NRXN1: variants seen among roughly 807,000 people sequenced by gnomAD.
The protein encoded by NRXN1 is neurexin 1.
A neutral mutation model predicts 150.9 loss-of-function variants in NRXN1; 39 were observed. That is an observed-to-expected ratio of 0.26 (90% CI 0.20 to 0.34). The LOEUF (loss-of-function observed/expected upper bound fraction) is 0.34, where lower values mean the gene tolerates loss of function less well. Ranked by LOEUF, NRXN1 falls within the 10% of genes least tolerant of loss-of-function variation. The probability of loss-of-function intolerance (pLI) is 1.00; values close to 1 mark genes in which losing one functional copy is unlikely to be tolerated. For synonymous variants in NRXN1, 924 were observed against 757.0 expected (o/e 1.22, Z -3.62); for missense variants, 1,815 against 1,949.9 (o/e 0.93, Z 1.30).
intron 17 of NRXN1, among the ~76,000 whole-genome samples, chr2:50,392,313 T>C (rs1215634779): frequency 2.0e-5 from 3 of 152,158 alleles, no homozygotes; most frequent in Admixed American, 6.6e-5. Context: ...TTTGTTATTA[T>C]CCTGCTACAT....
chr2:50,279,887 G>A (rs952924793), intron 17 of NRXN1, among the ~76,000 whole-genome samples: 2 of 152,182 alleles, frequency 1.3e-5, no homozygotes, highest in African/African-American at 4.8e-5. Flanking sequence ...TCAAATGGCA[G>A]TAACACTAAG....
At chr2:50,782,016 A>G (rs1403492321) in intron 5 of NRXN1, among the ~76,000 whole-genome samples, 1 of 152,170 alleles carries the variant, frequency 6.6e-6, no homozygotes, top group African/African-American at 2.4e-5. Context: ...TAAGTCATTC[A>G]GTTGATATAT....
chr2:50,113,713 T>G (rs1313260739), intron 18 of NRXN1, among the ~76,000 whole-genome samples: 1 of 152,216 alleles, frequency 6.6e-6, no homozygotes, highest in Admixed American at 6.5e-5. Flanking sequence ...TTATCTTTGA[T>G]GCTCACGTAT....
chr2:50,083,209 C>A (rs1237760887), intron 19 of NRXN1, among the ~76,000 whole-genome samples: 1 of 152,138 alleles, frequency 6.6e-6, no homozygotes, highest in Admixed American at 6.5e-5. Context: ...ACAAAAATGG[C>A]AACTTACAGA....
At chr2:50,484,751 T>C (rs113453443) in intron 15 of NRXN1, among the ~76,000 whole-genome samples, 3,528 of 152,284 alleles carry the variant, frequency 0.023, 67 homozygotes, top group Non-Finnish European at 0.035. Flanking sequence ...ATGCAAGGCA[T>C]TGGGGAGAGA....
intron 2 of NRXN1, 47 bp downstream of exon 2, chr2:51,027,455 A>T: frequency 6.8e-7 from 1 of 1,475,190 alleles, no homozygotes; most frequent in Non-Finnish European, 8.9e-7. Flanking sequence ...CTCCTCCCCG[A>T]GCCCCGCCCA....
chr2:50,517,640 C>T (rs1270373213), intron 12 of NRXN1, among the ~76,000 whole-genome samples: 1 of 152,060 alleles, frequency 6.6e-6, no homozygotes, highest in Non-Finnish European at 1.5e-5. Context: ...CTTTTTCGCT[C>T]AGTTACATTG....
chr2:50,761,697 G>T (rs1444006016), intron 5 of NRXN1, among the ~76,000 whole-genome samples: 1 of 151,860 alleles, frequency 6.6e-6, no homozygotes, highest in African/African-American at 2.4e-5. Flanking sequence ...GTTGCCAAAA[G>T]AGATTAACAT....
intron 17 of NRXN1, among the ~76,000 whole-genome samples, chr2:50,389,570 T>C (rs963276915): frequency 1.1e-4 from 17 of 152,226 alleles, no homozygotes; most frequent in Admixed American, 2.6e-4. Flanking sequence ...CTCTTATCTA[T>C]GTCCAATTAG....
At chr2:49,998,425 T>C (rs1246742854) in intron 21 of NRXN1, among the ~76,000 whole-genome samples, 3 of 152,184 alleles carry the variant, frequency 2.0e-5, no homozygotes. Flanking sequence ...AGGGAGGATA[T>C]AATTTCCCAT....
intron 5 of NRXN1, among the ~76,000 whole-genome samples, chr2:50,805,815 T>C (rs1406538551): frequency 6.6e-6 from 1 of 152,184 alleles, no homozygotes; most frequent in Non-Finnish European, 1.5e-5. Flanking sequence ...TGGTGCATTA[T>C]AATCCCCTGA....
chr2:50,715,654 C>A (rs913849259), intron 5 of NRXN1, among the ~76,000 whole-genome samples: 2 of 152,138 alleles, frequency 1.3e-5, no homozygotes, highest in Non-Finnish European at 2.9e-5. Context: ...AAGTCATCGT[C>A]CCCCATCTTG....
intron 8 of NRXN1, among the ~76,000 whole-genome samples, chr2:50,587,522 G>A (rs1315917234): frequency 7.2e-5 from 11 of 152,160 alleles, no homozygotes; most frequent in Non-Finnish European, 1.6e-4. Context: ...GCAGAAAGTT[G>A]CCTTGTAACT....
chr2:50,434,725 A>C (rs2085283017), intron 17 of NRXN1, among the ~76,000 whole-genome samples: 1 of 152,216 alleles, frequency 6.6e-6, no homozygotes, highest in African/African-American at 2.4e-5. Context: ...GAATGGAATT[A>C]ATGTTACCAG....
chr2:50,019,129 C>T, intron 21 of NRXN1: 1 of 462,282 alleles, frequency 2.2e-6, no homozygotes, highest in East Asian at 7.0e-5. Context: ...TTCATCATCC[C>T]TAGGGTATAG....
At chr2:49,980,359 T>C (rs1366870844) in intron 21 of NRXN1, among the ~76,000 whole-genome samples, 1 of 152,062 alleles carries the variant, frequency 6.6e-6, no homozygotes, top group African/African-American at 2.4e-5. Flanking sequence ...CTTGGGACCA[T>C]ATTGGAGTTT....
intron 5 of NRXN1, among the ~76,000 whole-genome samples, chr2:50,758,922 A>T (rs181927103): frequency 1.1e-4 from 16 of 151,926 alleles, no homozygotes; most frequent in Non-Finnish European, 2.4e-4. Context: ...GCTAATTGGT[A>T]ATTCAAGTTT....
At chr2:50,369,117 C>A (rs1356762171) in intron 17 of NRXN1, among the ~76,000 whole-genome samples, 1 of 151,794 alleles carries the variant, frequency 6.6e-6, no homozygotes, top group Admixed American at 6.6e-5. Context: ...CAGGTAACCA[C>A]TAATAAGAAA....
intron 17 of NRXN1, among the ~76,000 whole-genome samples, chr2:50,333,142 T>A (rs2076940569): frequency 6.6e-6 from 1 of 152,148 alleles, no homozygotes; most frequent in Non-Finnish European, 1.5e-5. Flanking sequence ...TCTACTCATC[T>A]CTTTGATCTT....
Sources: gnomAD v4.1 joint callset for allele counts (sites outside exome capture counted in the v4.1 genomes callset) on GRCh38, gnomAD v4.1.1 for gene constraint, MANE v1.5 for transcripts, NCBI Gene and HGNC (gene_info 2026-07-23, HGNC 2026-07-21) for gene names.